CDHR3: variants seen among roughly 807,000 people sequenced by gnomAD.
The protein encoded by CDHR3 is cadherin related family member 3.
A neutral mutation model predicts 86.6 loss-of-function variants in CDHR3; 79 were observed. That is an observed-to-expected ratio of 0.91 (90% CI 0.76 to 1.10). The LOEUF (loss-of-function observed/expected upper bound fraction) is 1.10, where lower values mean the gene tolerates loss of function less well. Ranked by LOEUF, CDHR3 falls within the 50% of genes least tolerant of loss-of-function variation. CDHR3 has a pLI of 0.00. For synonymous variants in CDHR3, 421 were observed against 402.4 expected, an observed-to-expected ratio of 1.05 and a Z score of -0.55; for missense variants, 1,081 against 1,077.6, an observed-to-expected ratio of 1.00 and a Z score of -0.04.
intron 7 of CDHR3, among the ~76,000 whole-genome samples, chr7:106,003,865 G>C (rs1039462670): frequency 6.6e-6 from 1 of 151,194 alleles, no homozygotes; most frequent in Admixed American, 6.6e-5. Context: ...TGAGAATTCT[G>C]TTCACTCTAG....
At chr7:106,028,713 T>G (rs78878726) in intron 17 of CDHR3, 131 bp downstream of exon 17, 15 of 878,388 alleles carry the variant, frequency 1.7e-5, no homozygotes, top group Non-Finnish European at 2.7e-5. Flanking sequence ...GTTTGGCTAC[T>G]GGAACAGATT....
intron 2 of CDHR3, among the ~76,000 whole-genome samples, chr7:105,978,388 C>T (rs1162041085): frequency 6.6e-6 from 1 of 152,188 alleles, no homozygotes; most frequent in African/African-American, 2.4e-5. Context: ...GCTTGACTCC[C>T]CTCTTTTCCC....
chr7:105,987,214 C>A (rs1830652211), intron 4 of CDHR3, among the ~76,000 whole-genome samples: 1 of 152,100 alleles, frequency 6.6e-6, no homozygotes, highest in African/African-American at 2.4e-5. Context: ...AATGTAGTGC[C>A]ATCAAAAGCA....
At position 106,034,397 on chromosome 7, in the gene CDHR3, C is replaced by T. The variant is rs1198307576; in HGVS notation, c.*1700C>T. 7.9e-6 allele frequency among the ~76,000 whole-genome samples: 1 copy of T among 125,846 alleles called. No individual in the cohort carries two copies. Among genetic ancestry groups the T allele is most frequent in the Non-Finnish European group, 1.8e-5 (1 of 54,772 alleles). 82.6% of individuals were successfully genotyped at this position (125,846 alleles called of 152,430 possible). On this transcript the variant is annotated 3_prime_UTR_variant, in exon 19 of 19. Coordinates refer to ENST00000317716, the MANE Select transcript of CDHR3 (RefSeq NM_152750.5). ...GAGAGCCTACCAGGTCCACAAGGTC[C>T]TGTGGGAGACAGACTGGATCCAGCA...
At position 106,020,428 on chromosome 7, in the gene CDHR3, C is replaced by G. The variant is rs1256194379; in HGVS notation, c.1709C>G (p.Ser570Cys). Residue 570 changes from serine to cysteine, a missense_variant, in exon 13 of 19, where the codon TCT becomes TGT. Ser to Cys is a moderately radical substitution (Grantham distance 112). Coordinates refer to ENST00000317716, the MANE Select transcript of CDHR3 (RefSeq NM_152750.5). ...NDEKPICTPN[S>C]YFLALPVDLK... ...GAAAAGCCAATTTGTACTCCAAACTCTTATTTCCTGGCCCTCCCAGTGGAT... is the reference window on the plus strand; with the variant it reads ...GAAAAGCCAATTTGTACTCCAAACTGTTATTTCCTGGCCCTCCCAGTGGAT... The G allele has an allele frequency of 6.2e-7, 1 of 1,614,004 alleles. No homozygotes were observed. Among genetic ancestry groups the G allele is most frequent in the Non-Finnish European group, 8.5e-7 (1 of 1,179,890 alleles).
At position 106,024,430 on chromosome 7, in the gene CDHR3, C is replaced by T. The variant is rs766644909; in HGVS notation, c.2126C>T (p.Ala709Val). The change falls in exon 15 of 19, where the codon GCA becomes GTA. Residue 709 changes from alanine to valine, a missense_variant. By Grantham distance (64) the Ala-to-Val change is moderately conservative. Transcript: ENST00000317716. ...VLRKNVYSPS[A>V]WYVPFVITLG... is the part of the protein sequence containing the mutation. ...AGGAAAAACGTTTACTCTCCATCTG[C>T]ATGGTACGTGCCGTTTGTCATCACT... 28 of 1,613,924 alleles carry T rather than the reference C, an allele frequency of 1.7e-5. No individual in the cohort carries two copies. Among genetic ancestry groups the T allele is most frequent in the Middle Eastern group, 1.6e-4 (1 of 6,082 alleles).
In CDHR3 at chr7:106,022,218, A is replaced by T; in HGVS notation, c.1846A>T (p.Thr616Ser). ...TTTAGGTAACGTCAACAATCATTTCACCTTCTCTCCCAATGCTGGTTCCAA... is the reference window on the plus strand; with the variant it reads ...TTTAGGTAACGTCAACAATCATTTCTCCTTCTCTCCCAATGCTGGTTCCAA... ...IGPGNVNNHF[T>S]FSPNAGSNVT... Residue 616 changes from threonine (T) to serine (S), a missense_variant, in exon 14 of 19, where the codon ACC becomes TCC. Transcript: ENST00000317716. The T allele has an allele frequency of 6.2e-7, 1 of 1,613,976 alleles. No individual in the cohort carries two copies. Among genetic ancestry groups the T allele is most frequent in the Non-Finnish European group, 8.5e-7 (1 of 1,179,886 alleles).
At chr7:106,015,661 A>G (rs1243917027) in intron 10 of CDHR3, among the ~76,000 whole-genome samples, 1 of 151,992 alleles carries the variant, frequency 6.6e-6, no homozygotes, top group Non-Finnish European at 1.5e-5. Context: ...TCCCTGCCCC[A>G]TTTGTCTAAT....
chr7:105,980,955 CA>C lies in CDHR3; in HGVS notation c.250-12del. 1 of 1,594,430 alleles carries C rather than the reference CA, an allele frequency of 6.3e-7. No homozygotes were observed. The highest frequency in any genetic ancestry group is 1.1e-5 in the South Asian group (1 of 87,748). On this transcript the variant is annotated splice_polypyrimidine_tract_variant and intron_variant, in intron 2 of 18. Coordinates refer to ENST00000317716, the MANE Select transcript of CDHR3 (RefSeq NM_152750.5). ...TTTCACATGGTTACTAAGAATTTTGCATTTTGTTTTAGGTTGTCACCACTGG... is the reference window on the plus strand; with the variant it reads ...TTTCACATGGTTACTAAGAATTTTGCTTTTGTTTTAGGTTGTCACCACTGG...
rs1838584517 is a variant in CDHR3, at chr7:106,032,813, C to T, written c.*116C>T. 4.5e-6 allele frequency: 5 copies of T among 1,114,332 alleles called. No individual in the cohort carries two copies. In the South Asian group the frequency reaches 7.0e-5, roughly 16 times the overall value. 69.0% of individuals were successfully genotyped at this position (1,114,332 alleles called of 1,614,324 possible). Reference sequence around the variant, plus strand: ...ATGTGGGCTGAGGGGATTCAGACATCCAGGGTCAAACATGGGATGTTTGAC... The same window carrying T: ...ATGTGGGCTGAGGGGATTCAGACATTCAGGGTCAAACATGGGATGTTTGAC... On this transcript the variant is annotated 3_prime_UTR_variant, in exon 19 of 19. Transcript: ENST00000317716.
intron 4 of CDHR3, among the ~76,000 whole-genome samples, chr7:105,990,038 A>G (rs1831126064): frequency 6.6e-6 from 1 of 152,004 alleles, no homozygotes; most frequent in Non-Finnish European, 1.5e-5. Flanking sequence ...GACAATTCCC[A>G]CTCCAAATAT....
intron 4 of CDHR3, among the ~76,000 whole-genome samples, chr7:105,989,221 C>CA (rs1830985766): frequency 5.0e-5 from 1 of 20,174 alleles, no homozygotes; most frequent in Non-Finnish European, 9.0e-5. Context: ...TACCCACCCC[C>CA]CCACCTCTTC....
chr7:105,980,623 A>ATTTTTTTTTTTTTTTTT (rs55880404), intron 2 of CDHR3, among the ~76,000 whole-genome samples: 6 of 108,150 alleles, frequency 5.5e-5, no homozygotes, highest in African/African-American at 7.5e-5. Flanking sequence ...TTTTTTTTTA[A>ATTTTTTTTTTTTTTTTT]TTTTTTTTTT....
intron 14 of CDHR3, 114 bp from the exon 15 acceptor site, chr7:106,024,267 C>T: frequency 1.1e-6 from 1 of 902,776 alleles, no homozygotes; most frequent in Non-Finnish European, 1.7e-6. Flanking sequence ...AGATGTCCAA[C>T]TTATAGAGCA....
At chr7:106,013,719 GC>G (rs1463152845) in intron 9 of CDHR3, among the ~76,000 whole-genome samples, 1 of 152,086 alleles carries the variant, frequency 6.6e-6, no homozygotes, top group Non-Finnish European at 1.5e-5. Context: ...CCCATCCCAA[GC>G]CCTTCTTCAA....
intron 17 of CDHR3, among the ~76,000 whole-genome samples, chr7:106,028,929 T>TTTCTTTCC (rs1235438263): frequency 9.2e-6 from 1 of 108,744 alleles, no homozygotes; most frequent in East Asian, 2.4e-4. Context: ...TCTTTCTTTC[T>TTTCTTTCC]TTCTTTCTTT....
At chr7:106,032,300 T>C in intron 18 of CDHR3, 93 bp from the exon 19 acceptor site, 2 of 1,251,714 alleles carry the variant, frequency 1.6e-6, no homozygotes, top group Non-Finnish European at 2.2e-6. Context: ...TCATCTTCCC[T>C]TGGGAGTCAG....
At chr7:105,967,468 C>T (rs1827156867) in intron 1 of CDHR3, among the ~76,000 whole-genome samples, 1 of 152,168 alleles carries the variant, frequency 6.6e-6, no homozygotes, top group African/African-American at 2.4e-5. Flanking sequence ...TGGGTATAAC[C>T]CAGTAATGGG....
chr7:106,028,353 G>A (rs1837698226), intron 16 of CDHR3, 198 bp from the exon 17 acceptor site: 1 of 646,876 alleles, frequency 1.5e-6, no homozygotes, highest in Non-Finnish European at 2.8e-6. Context: ...GTGTGTGTGT[G>A]TATACATATG....
Sources: allele counts gnomAD v4.1 joint callset (sites outside exome capture counted in the v4.1 genomes callset), GRCh38; gene constraint gnomAD v4.1.1; transcripts MANE v1.5; gene names NCBI Gene and HGNC (gene_info 2026-07-23, HGNC 2026-07-21).